ASPSCR1: variants seen among roughly 807,000 people sequenced by gnomAD.
The protein encoded by ASPSCR1 is ASPSCR1 tether for SLC2A4, UBX domain containing, also known as tether containing UBX domain for GLUT4.
ASPSCR1 carries 55 observed loss-of-function variants against 68.9 expected under a neutral mutation model. The observed-to-expected ratio is 0.80, with a 90% CI of 0.64 to 1.00. The LOEUF is 1.00. Ranked by LOEUF, ASPSCR1 falls within the 50% of genes least tolerant of loss-of-function variation. The pLI is 0.00. For missense variants in ASPSCR1, 765 were observed against 762.2 expected (o/e 1.00, Z -0.04); for synonymous variants, 352 against 332.6 (o/e 1.06, Z -0.63).
intron 10 of ASPSCR1, 141 bp from the exon 11 acceptor site, chr17:82,011,402 G>T: frequency 2.5e-6 from 2 of 801,984 alleles, no homozygotes; most frequent in Non-Finnish European, 3.9e-6. Flanking sequence ...CGAGCACCTG[G>T]AGTGCTGTGG....
At chr17:82,016,899 C>T (rs1480729125) in intron 14 of ASPSCR1, 30 bp downstream of exon 14, 1 of 1,612,304 alleles carries the variant, frequency 6.2e-7, no homozygotes. Context: ...GGGGCACCTC[C>T]CGTGGCGGCA....
At chr17:81,992,114 G>C (rs960670321) in intron 4 of ASPSCR1, among the ~76,000 whole-genome samples, 1 of 152,226 alleles carries the variant, frequency 6.6e-6, no homozygotes, top group Admixed American at 6.5e-5. Flanking sequence ...CCGCGGAAGC[G>C]CCCCAAAGCA....
rs1307827004 is a variant in ASPSCR1 at position 81,986,381 on chromosome 17, A to G, written c.374+774A>G. Reference sequence around the variant, plus strand: ...GTGGAGGCAGTTGCAGTGAGCCGAGATCGCACTGCTGCACTCCAGCCTGGG... The same window carrying G: ...GTGGAGGCAGTTGCAGTGAGCCGAGGTCGCACTGCTGCACTCCAGCCTGGG... On this transcript the variant is annotated intron_variant, in intron 4 of 15. Transcript: ENST00000306739. This position sits in a 1 kb window ranked among gnomAD's most constrained non-coding sequence, Gnocchi z 5.2. Among the ~76,000 whole-genome samples, 1 of 152,190 alleles carries G rather than the reference A, an allele frequency of 6.6e-6. No individual in the cohort carries two copies. The highest frequency in any genetic ancestry group is 1.5e-5 in the Non-Finnish European group (1 of 68,032).
At chr17:82,008,706 T>C in intron 7 of ASPSCR1, 2 of 269,964 alleles carry the variant, frequency 7.4e-6, no homozygotes, top group Non-Finnish European at 1.4e-5. Flanking sequence ...TCGCCACCCC[T>C]CCCCCCCATG....
chr17:82,012,205 A>G (rs1006045187), intron 11 of ASPSCR1, 26 bp from the exon 12 acceptor site: 29 of 1,610,838 alleles, frequency 1.8e-5, no homozygotes, highest in Admixed American at 1.0e-4. Flanking sequence ...GGTGCTTCCT[A>G]ACACGTAGGT....
intron 12 of ASPSCR1, 48 bp from the exon 13 acceptor site, chr17:82,016,428 G>T (rs1479473227): frequency 6.6e-7 from 1 of 1,514,054 alleles, no homozygotes; most frequent in Admixed American, 2.0e-5. Context: ...CACAGCAGGG[G>T]GGTGCTCTGC....
chr17:82,003,355 G>A lies in ASPSCR1; in HGVS notation c.934-5682G>A, dbSNP rs1328616567. 2.6e-5 allele frequency among the ~76,000 whole-genome samples: 4 copies of A among 152,234 alleles called. No individual in the cohort carries two copies. The East Asian group carries it at 5.8e-4, about 22-fold the overall frequency. On this transcript the variant is annotated intron_variant, in intron 7 of 15. Coordinates refer to ENST00000306739, the MANE Select transcript of ASPSCR1 (RefSeq NM_024083.4). ...CCCAGCTACTTGGGAGGCTGAGACG[G>A]GAGGATTGCCTGAGCCTGAGAGATC...
chr17:81,989,737 G>A (rs1301917730), intron 4 of ASPSCR1, among the ~76,000 whole-genome samples: 1 of 152,186 alleles, frequency 6.6e-6, no homozygotes, highest in African/African-American at 2.4e-5. Context: ...CGCAGCCCTG[G>A]CCCGACCAGC....
chr17:81,985,069 CCTG>C (rs1379010802), intron 3 of ASPSCR1, among the ~76,000 whole-genome samples: 43 of 147,014 alleles, frequency 2.9e-4, no homozygotes, highest in African/African-American at 1.0e-3. Context: ...CACGCACACA[CCTG>C]TACACACACA....
chr17:81,981,347 G>C (rs1338443623), intron 2 of ASPSCR1, among the ~76,000 whole-genome samples: 2 of 145,322 alleles, frequency 1.4e-5, no homozygotes, highest in Non-Finnish European at 2.9e-5. Context: ...CAGTTGGTTG[G>C]GGGGGGCTTA....
intron 9 of ASPSCR1, among the ~76,000 whole-genome samples, chr17:82,010,432 G>A (rs1463949926): frequency 6.6e-6 from 1 of 151,584 alleles, no homozygotes; most frequent in East Asian, 2.0e-4. Flanking sequence ...GGGAGGCTGA[G>A]GCAGGAGAAA....
intron 10 of ASPSCR1, 107 bp from the exon 11 acceptor site, chr17:82,011,436 C>G: frequency 9.1e-7 from 1 of 1,093,468 alleles, no homozygotes; most frequent in Non-Finnish European, 1.3e-6. Context: ...GAATTCCCAC[C>G]CCTCGGGGAA....
chr17:81,995,515 C>T, intron 5 of ASPSCR1: 2 of 273,858 alleles, frequency 7.3e-6, no homozygotes, highest in East Asian at 1.1e-4. Flanking sequence ...ACTGTGCCCT[C>T]GCTAGAGGCA....
At chr17:81,992,757 T>G (rs1369581012) in intron 4 of ASPSCR1, among the ~76,000 whole-genome samples, 1 of 152,228 alleles carries the variant, frequency 6.6e-6, no homozygotes, top group East Asian at 1.9e-4. Flanking sequence ...CTGGGCCGAG[T>G]CTCCAGCCAT....
chr17:82,016,130 A>G, intron 12 of ASPSCR1: 1 of 305,120 alleles, frequency 3.3e-6, no homozygotes, highest in Middle Eastern at 9.2e-4. Context: ...GTCCCGGCGC[A>G]TCCGCCAGGA....
At chr17:82,003,421 C>T (rs1037063766) in intron 7 of ASPSCR1, among the ~76,000 whole-genome samples, 4 of 152,256 alleles carry the variant, frequency 2.6e-5, no homozygotes, top group Non-Finnish European at 5.9e-5. Context: ...GCACTCCAGC[C>T]TGGGCAACAG....
chr17:81,990,209 C>T lies in ASPSCR1; in HGVS notation c.374+4602C>T, dbSNP rs1237629020. Among the ~76,000 whole-genome samples the T allele has an allele frequency of 2.6e-5, 4 of 152,272 alleles. No individual in the cohort carries two copies. Among genetic ancestry groups the T allele is most frequent in the Non-Finnish European group, 4.4e-5 (3 of 68,016 alleles). On this transcript the variant is annotated intron_variant, in intron 4 of 15. Coordinates refer to ENST00000306739, the MANE Select transcript of ASPSCR1 (RefSeq NM_024083.4). The surrounding 1 kb of genome is among the most constrained non-coding windows in gnomAD (Gnocchi z 4.1). ...ACACGTAGTCAGTAGAAAAGTGAGC[C>T]GTCTCATGCTCTTGTTGTGCAGAGT...
Position 81,983,711 on chromosome 17 carries a change from A to T in ASPSCR1, c.273+43A>T. On this transcript the variant is annotated intron_variant, in intron 3 of 15. Coordinates refer to ENST00000306739, the MANE Select transcript of ASPSCR1 (RefSeq NM_024083.4). This position sits in a 1 kb window ranked among gnomAD's most constrained non-coding sequence, Gnocchi z 4.4. ...GGAGGCTGACTGTGTGGGGCACAGG[A>T]TCGTTCAGCTGGCCAGGGACGGGGG... 1 of 1,509,278 alleles carries T rather than the reference A, an allele frequency of 6.6e-7. No individual in the cohort carries two copies. The highest frequency in any genetic ancestry group is 9.1e-7 in the Non-Finnish European group (1 of 1,099,936). 93.5% of individuals were successfully genotyped at this position (1,509,278 alleles called of 1,614,324 possible). A position where few individuals can be genotyped will look rare whatever the true frequency, so the allele number is the denominator to read the frequency against.
chr17:81,993,198 C>CT (rs1463957476), intron 4 of ASPSCR1, among the ~76,000 whole-genome samples: 1 of 151,796 alleles, frequency 6.6e-6, no homozygotes, highest in African/African-American at 2.4e-5. Flanking sequence ...AAGTCCTGCC[C>CT]TTTTTTTTGT....
Sources: gnomAD v4.1 joint callset for allele counts (sites outside exome capture counted in the v4.1 genomes callset) on GRCh38, gnomAD v4.1.1 for gene constraint, Gnocchi (gnomAD v3.1) non-coding constraint, MANE v1.5 for transcripts, NCBI Gene and HGNC (gene_info 2026-07-23, HGNC 2026-07-21) for gene names.